SLC14A2: variants seen among roughly 807,000 people sequenced by gnomAD.
SLC14A2 encodes solute carrier family 14 member 2.
Under a neutral mutation model 104.6 loss-of-function variants are expected in SLC14A2, and 91 were observed. That is an observed-to-expected ratio of 0.87 (90% confidence interval 0.73 to 1.04). The LOEUF (loss-of-function observed/expected upper bound fraction) is 1.04. SLC14A2 is among the 50% of genes least tolerant of loss of function. The pLI, the probability that SLC14A2 is intolerant of heterozygous loss-of-function variation, is 0.00. For missense variants in SLC14A2, 1,189 were observed against 1,156.0 expected (o/e 1.03, Z -0.41); for synonymous variants, 476 against 466.4 (o/e 1.02, Z -0.27).
At chr18:45,308,427 A>G (rs1199979707) in intron 1 of SLC14A2, among the ~76,000 whole-genome samples, 2 of 152,338 alleles carry the variant, frequency 1.3e-5, no homozygotes, top group East Asian at 1.9e-4. Context: ...ATCATACTGA[A>G]TAGTGAAATT....
At chr18:45,209,900 A>C (rs893841805), upstream of SLC14A2, among the ~76,000 whole-genome samples, 1 of 152,224 alleles carries the variant, frequency 6.6e-6, no homozygotes, top group African/African-American at 2.4e-5. Flanking sequence ...TATCTACTGG[A>C]AACAAGGTCA....
intron 1 of SLC14A2, among the ~76,000 whole-genome samples, chr18:45,344,130 A>G (rs9949109): frequency 0.2 from 31,111 of 151,924 alleles, 5,726 homozygotes; most frequent in African/African-American, 0.49. Flanking sequence ...TATTATTATC[A>G]CTCCTACTAT....
At chr18:45,471,867 T>A (rs1330858814) in intron 1 of SLC14A2, among the ~76,000 whole-genome samples, 2 of 149,106 alleles carry the variant, frequency 1.3e-5, no homozygotes, top group Admixed American at 6.8e-5. Flanking sequence ...TTTATTTGTA[T>A]GTTTGTCTAT....
At chr18:45,624,855 G>A (rs1332325173) in intron 2 of SLC14A2, 41 bp downstream of exon 2, 1 of 1,561,174 alleles carries the variant, frequency 6.4e-7, no homozygotes, top group East Asian at 2.3e-5. Flanking sequence ...GGGAGGGAGG[G>A]GATGGGAAAA....
intron 2 of SLC14A2, among the ~76,000 whole-genome samples, chr18:45,569,518 C>T (rs1466118091): frequency 6.6e-6 from 1 of 152,040 alleles, no homozygotes; most frequent in Non-Finnish European, 1.5e-5. Context: ...TTAATTCAGA[C>T]TTCATATCTC....
In SLC14A2 at chr18:45,605,974, T is replaced by C. The variant is rs181193817; in HGVS notation, c.-34-18657T>C. ...GTTTTCGGGGTATTGAGTTCCATAC[T>C]GAAATAACACATTTCCCACTGACAA... On this transcript the variant is annotated intron_variant, in intron 2 of 20. Coordinates refer to the SLC14A2 transcript ENST00000586448. 1.0e-3 allele frequency among the ~76,000 whole-genome samples: 157 copies of C among 152,264 alleles called. 2 individuals carry two copies. Among genetic ancestry groups the C allele is most frequent in the African/African-American group, 2.7e-3 (113 of 41,552 alleles).
At chr18:45,430,676 C>T (rs1470473749) in intron 1 of SLC14A2, among the ~76,000 whole-genome samples, 4 of 152,014 alleles carry the variant, frequency 2.6e-5, no homozygotes, top group African/African-American at 9.7e-5. Context: ...CCTGTGTTCA[C>T]ACCATTCTCC....
chr18:45,636,874 C>G, intron 5 of SLC14A2, 116 bp from the exon 6 acceptor site: 1 of 719,930 alleles, frequency 1.4e-6, no homozygotes, highest in Non-Finnish European at 2.4e-6. Context: ...CTCAAGGGGG[C>G]CAGGAATGCT....
chr18:45,383,014 G>A (rs2085855476), intron 1 of SLC14A2, among the ~76,000 whole-genome samples: 1 of 152,164 alleles, frequency 6.6e-6, no homozygotes, highest in South Asian at 2.1e-4. Flanking sequence ...AAAGAATGTT[G>A]CCATCTAACA....
chr18:45,607,205 G>C (rs1473527875), intron 2 of SLC14A2, among the ~76,000 whole-genome samples: 1 of 152,118 alleles, frequency 6.6e-6, no homozygotes, highest in Non-Finnish European at 1.5e-5. Context: ...TCTTCAATTA[G>C]TGGGTTGTGT....
intron 1 of SLC14A2, among the ~76,000 whole-genome samples, chr18:45,481,679 G>GA (rs546750477): frequency 3.0e-4 from 45 of 151,678 alleles, no homozygotes; most frequent in Admixed American, 2.0e-3. Context: ...TTGTGCAACT[G>GA]AAAAAAAACA....
chr18:45,335,425 C>T (rs144756009), intron 1 of SLC14A2, among the ~76,000 whole-genome samples: 1 of 152,264 alleles, frequency 6.6e-6, no homozygotes, highest in African/African-American at 2.4e-5. Context: ...GATTGATTGA[C>T]TGCAGTAGAG....
the SLC14A2 span, among the ~76,000 whole-genome samples, chr18:45,184,250 G>A: frequency 6.6e-6 from 1 of 152,072 alleles, no homozygotes; most frequent in East Asian, 1.9e-4. Context: ...GGTTAATGAT[G>A]TTAGAAAACT....
the SLC14A2 span, among the ~76,000 whole-genome samples, chr18:45,194,016 AATAG>A: frequency 2.0e-5 from 3 of 149,484 alleles, no homozygotes; most frequent in African/African-American, 2.6e-5. Flanking sequence ...ATTATTTGGT[AATAG>A]ATAGAAATGC....
At chr18:45,329,962 A>T (rs759815261) in intron 1 of SLC14A2, among the ~76,000 whole-genome samples, 16 of 152,324 alleles carry the variant, frequency 1.1e-4, no homozygotes, top group Non-Finnish European at 2.1e-4. Flanking sequence ...TATTGAGGTT[A>T]TGTTGTGTGC....
intron 7 of SLC14A2, among the ~76,000 whole-genome samples, chr18:45,640,229 T>C (rs992652503): frequency 4.6e-5 from 7 of 150,570 alleles, no homozygotes; most frequent in African/African-American, 1.5e-4. Flanking sequence ...TGAGCCAAGA[T>C]CGTACCACCT....
At chr18:45,181,073 C>T in the SLC14A2 span, 1 of 152,384 alleles carries the variant, frequency 6.6e-6, no homozygotes, top group Non-Finnish European at 1.5e-5. Context: ...AACCATAGGA[C>T]TTGTTCCCTC....
intron 10 of SLC14A2, among the ~76,000 whole-genome samples, chr18:45,645,204 T>C (rs561081369): frequency 6.6e-6 from 1 of 152,230 alleles, no homozygotes; most frequent in Admixed American, 6.5e-5. Context: ...ACTCATTCTT[T>C]TTATGGCTGC....
At chr18:45,607,696 C>A (rs1355564456) in intron 2 of SLC14A2, among the ~76,000 whole-genome samples, 1 of 152,178 alleles carries the variant, frequency 6.6e-6, no homozygotes, top group East Asian at 1.9e-4. Flanking sequence ...TGTCTCTGGA[C>A]AGGAATCCAG....
Sources: allele counts gnomAD v4.1 joint callset (sites outside exome capture counted in the v4.1 genomes callset), GRCh38; gene constraint gnomAD v4.1.1; transcripts MANE v1.5; gene names NCBI Gene and HGNC (gene_info 2026-07-23, HGNC 2026-07-21).